CD2AP: variants seen among roughly 807,000 people sequenced by gnomAD.
CD2AP encodes CD2-associated protein.
In CD2AP, 46 loss-of-function variants were observed where a neutral mutation model predicts 85.1. The observed-to-expected ratio is 0.54, with a 90% CI of 0.43 to 0.69. The LOEUF (loss-of-function observed/expected upper bound fraction) is 0.69, where lower values mean the gene tolerates loss of function less well. Ranked by LOEUF, CD2AP falls within the 30% of genes least tolerant of loss-of-function variation. The pLI is 0.00. For synonymous variants in CD2AP, 255 were observed against 252.9 expected (o/e 1.01, Z -0.08); for missense variants, 769 against 729.5 (o/e 1.05, Z -0.62).
rs2113951101 is a variant in CD2AP, at chr6:47,478,071, C to G, written c.-174C>G. 1.2e-6 allele frequency: 1 copy of G among 803,772 alleles called. No individual in the cohort carries two copies. Among genetic ancestry groups the G allele is most frequent in the South Asian group, 1.6e-5 (1 of 61,358 alleles). 49.8% of individuals were successfully genotyped at this position (803,772 alleles called of 1,614,324 possible). A position where few individuals can be genotyped will look rare whatever the true frequency, so the allele number is the denominator to read the frequency against. On this transcript the variant is annotated 5_prime_UTR_variant, in exon 1 of 18. Coordinates refer to ENST00000359314, the MANE Select transcript of CD2AP (RefSeq NM_012120.3). ...TGCCTCGAGGGCCGCGCTGAAGAGA[C>G]TGGTAGGAGAGCGCCGCGGGCGGAT...
chr6:47,603,427 T>C (rs1300463279), intron 13 of CD2AP, among the ~76,000 whole-genome samples: 1 of 152,060 alleles, frequency 6.6e-6, no homozygotes, highest in Non-Finnish European at 1.5e-5. Context: ...TTATGAGATG[T>C]CAACATGCTG....
intron 16 of CD2AP, among the ~76,000 whole-genome samples, chr6:47,610,735 A>C (rs1769405661): frequency 6.6e-6 from 1 of 151,458 alleles, no homozygotes; most frequent in African/African-American, 2.4e-5. Context: ...CTGTTTTGAA[A>C]GATTCTTTTA....
At chr6:47,576,798 T>A (rs1453439033) in intron 7 of CD2AP, among the ~76,000 whole-genome samples, 196 bp downstream of exon 7, 1 of 152,206 alleles carries the variant, frequency 6.6e-6, no homozygotes, top group East Asian at 1.9e-4. Flanking sequence ...AATCTGTGCC[T>A]GGAACATCAC....
chr6:47,568,074 G>A (rs576846291), intron 5 of CD2AP, among the ~76,000 whole-genome samples: 80 of 152,298 alleles, frequency 5.3e-4, no homozygotes, highest in African/African-American at 1.9e-3. Flanking sequence ...ACAGGACCTA[G>A]TGATAATGTT....
rs1767744055 is a variant in CD2AP at position 47,558,056 on chromosome 6, G to A, written c.541+3290G>A. Among the ~76,000 whole-genome samples the A allele has an allele frequency of 4.6e-5, 7 of 152,056 alleles. No homozygotes were observed. In the South Asian group the frequency reaches 1.5e-3, roughly 32 times the overall value. ...AGGTCCTTCACATCCCTTGTAAGTT[G>A]GATTCCTAGGTATTTTATTCCTTTT... On this transcript the variant is annotated intron_variant, in intron 5 of 17. Transcript: ENST00000359314.
chr6:47,609,527 A>AAAAAG lies in CD2AP; in HGVS notation c.1814+243_1814+247dup, dbSNP rs1265624089. On this transcript the variant is annotated intron_variant, in intron 16 of 17. Transcript: ENST00000359314. ...CCCCATCTTTGCAAAAAAAAAAAAA[A>AAAAAG]AAAAGAAAAGAAAAGAAAAGAAAAA... 556 of 366,586 alleles carry AAAAAG rather than the reference A, an allele frequency of 1.5e-3. 13 individuals are homozygous for AAAAAG. Among genetic ancestry groups the AAAAAG allele is most frequent in the Non-Finnish European group, 1.9e-3 (383 of 204,898 alleles). The allele number at this position is 366,586 out of a possible 1,614,324, so 22.7% of individuals were successfully genotyped here.
At chr6:47,581,686 T>G (rs1393036551) in intron 10 of CD2AP, among the ~76,000 whole-genome samples, 1 of 152,184 alleles carries the variant, frequency 6.6e-6, no homozygotes, top group Non-Finnish European at 1.5e-5. Context: ...CCATTTCAAG[T>G]GTTCAGTAGT....
chr6:47,579,354 ATTGTC>A (rs1768405469), intron 8 of CD2AP, 26 bp from the exon 9 acceptor site: 1 of 1,026,984 alleles, frequency 9.7e-7, no homozygotes, highest in East Asian at 2.5e-5. Context: ...AAAAAGGTCT[ATTGTC>A]TTAATTATTC....
chr6:47,539,383 G>A (rs1767144636), intron 3 of CD2AP, among the ~76,000 whole-genome samples: 1 of 152,194 alleles, frequency 6.6e-6, no homozygotes, highest in Non-Finnish European at 1.5e-5. Context: ...GAGATTGGGA[G>A]AATAGCATTC....
chr6:47,535,255 G>A (rs573660877), intron 3 of CD2AP, among the ~76,000 whole-genome samples: 29 of 152,104 alleles, frequency 1.9e-4, no homozygotes, highest in Non-Finnish European at 3.5e-4. Context: ...GCAACCTCTG[G>A]CATAAATGGG....
chr6:47,626,389 A>G lies in CD2AP; in HGVS notation c.*2162A>G, dbSNP rs905136729. On this transcript the variant is annotated 3_prime_UTR_variant, in exon 18 of 18. Coordinates refer to ENST00000359314, the MANE Select transcript of CD2AP (RefSeq NM_012120.3). ...GGTATGGGAAATGTTATTAATTTCT[A>G]TTACTAAAGTTCATATCACAAAATG... 2 of 152,414 alleles carry G rather than the reference A, an allele frequency of 1.3e-5. No individual in the cohort carries two copies. Among genetic ancestry groups the G allele is most frequent in the Non-Finnish European group, 2.9e-5 (2 of 67,854 alleles). 9.4% of individuals were successfully genotyped at this position (152,414 alleles called of 1,614,324 possible).
chr6:47,620,440 G>GT (rs1769713496), intron 17 of CD2AP, among the ~76,000 whole-genome samples: 1 of 152,146 alleles, frequency 6.6e-6, no homozygotes, highest in African/African-American at 2.4e-5. Context: ...TGCTGTTTTG[G>GT]TGACTGTGGC....
chr6:47,491,271 ATGTGTG>A (rs57447174), intron 1 of CD2AP, among the ~76,000 whole-genome samples: 2,290 of 122,556 alleles, frequency 0.019, 25 homozygotes, highest in African/African-American at 0.03. Flanking sequence ...GTGTGTGTGT[ATGTGTG>A]TGTGTGTGTG....
intron 5 of CD2AP, among the ~76,000 whole-genome samples, chr6:47,564,122 T>C (rs536070478): frequency 3.3e-5 from 5 of 152,122 alleles, no homozygotes; most frequent in Non-Finnish European, 7.4e-5. Flanking sequence ...AACTGATGTT[T>C]AAGGGTGTGT....
chr6:47,522,188 T>C (rs1471471838), intron 2 of CD2AP, among the ~76,000 whole-genome samples: 1 of 152,100 alleles, frequency 6.6e-6, no homozygotes, highest in Non-Finnish European at 1.5e-5. Context: ...AAGGTGCATT[T>C]GGTAGTGAAT....
rs1769897600 is a variant in CD2AP, at chr6:47,626,047, A to G, written c.*1820A>G. The G allele has an allele frequency of 6.6e-6, 1 of 151,928 alleles. No homozygotes were observed. The highest frequency in any genetic ancestry group is 1.5e-5 in the Non-Finnish European group (1 of 67,808). 9.4% of individuals were successfully genotyped at this position (151,928 alleles called of 1,614,324 possible). A position where few individuals can be genotyped will look rare whatever the true frequency, so the allele number is the denominator to read the frequency against. Reference sequence around the variant, plus strand: ...CAAAAATATTGTAATCCTAGAAATTATCCTCCAGCTTTCTCACCTGAAAAT... The same window carrying G: ...CAAAAATATTGTAATCCTAGAAATTGTCCTCCAGCTTTCTCACCTGAAAAT... On this transcript the variant is annotated 3_prime_UTR_variant, in exon 18 of 18. Coordinates refer to ENST00000359314, the MANE Select transcript of CD2AP (RefSeq NM_012120.3).
rs1769885779 is a variant in CD2AP, at chr6:47,625,528, AAC to A, written c.*1305_*1306del. 6.6e-6 allele frequency: 1 copy of A among 151,904 alleles called. No individual in the cohort carries two copies. The highest frequency in any genetic ancestry group is 1.5e-5 in the Non-Finnish European group (1 of 67,768). 9.4% of individuals were successfully genotyped at this position (151,904 alleles called of 1,614,324 possible). A position where few individuals can be genotyped will look rare whatever the true frequency, so the allele number is the denominator to read the frequency against. On this transcript the variant is annotated 3_prime_UTR_variant, in exon 18 of 18. Coordinates refer to ENST00000359314, the MANE Select transcript of CD2AP (RefSeq NM_012120.3). ...TGTTCTGTCTGTAGGTAACATCTAAAACACAAGTGGGTTTATTTAAATTTTTA... is the reference window on the plus strand; with the variant it reads ...TGTTCTGTCTGTAGGTAACATCTAAAACAAGTGGGTTTATTTAAATTTTTA...
intron 2 of CD2AP, among the ~76,000 whole-genome samples, chr6:47,530,371 T>C (rs2114020610): frequency 6.6e-6 from 1 of 152,364 alleles, no homozygotes; most frequent in East Asian, 1.9e-4. Flanking sequence ...TCCATCTCTC[T>C]TTCTGTGATC....
At chr6:47,552,082 A>G (rs1349857958) in intron 4 of CD2AP, among the ~76,000 whole-genome samples, 1 of 152,074 alleles carries the variant, frequency 6.6e-6, no homozygotes, top group Non-Finnish European at 1.5e-5. Flanking sequence ...TTGTAGGATG[A>G]GAGATCTTCT....
Sources: allele counts gnomAD v4.1 joint callset (sites outside exome capture counted in the v4.1 genomes callset), GRCh38; gene constraint gnomAD v4.1.1; transcripts MANE v1.5; gene names NCBI Gene and HGNC (gene_info 2026-07-23, HGNC 2026-07-21).